The following SSH2 variants were observed in gnomAD, a reference collection of about 807,000 sequenced individuals.
SSH2 encodes the protein protein phosphatase Slingshot homolog 2.
Under a neutral mutation model 135.2 loss-of-function variants are expected in SSH2, and 37 were observed. The ratio of observed to expected loss-of-function variants is 0.27; its 90% CI spans 0.21 to 0.36. SSH2 has a LOEUF of 0.36. SSH2 is among the 10% of genes least tolerant of loss of function. The pLI is 1.00. For synonymous variants in SSH2, 628 were observed against 646.2 expected, an observed-to-expected ratio of 0.97 and a Z score of 0.43; for missense variants, 1,408 against 1,765.3, an observed-to-expected ratio of 0.80 and a Z score of 3.63.
At position 29,723,832 on chromosome 17, in the gene SSH2, A is replaced by C. The variant is rs2039899197; in HGVS notation, c.189-20770T>G. On this transcript the variant is annotated intron_variant, in intron 3 of 15. Transcript: ENST00000540801. ...TTTAATCAGGCCTCATGCTAGGGGG[A>C]ACTTCTTCCACTTGAAAAATTTACT... 2.0e-5 allele frequency among the ~76,000 whole-genome samples: 3 copies of C among 152,042 alleles called. No homozygotes were observed. In the South Asian group the frequency reaches 6.2e-4, roughly 32 times the overall value.
intron 5 of SSH2, among the ~76,000 whole-genome samples, chr17:29,691,562 C>T (rs1405783014): frequency 1.3e-5 from 2 of 151,632 alleles, no homozygotes; most frequent in Non-Finnish European, 2.9e-5. Context: ...ACGATCTCGG[C>T]TCACTGAAAG....
chr17:29,661,025 C>A (rs2037010088), intron 11 of SSH2, among the ~76,000 whole-genome samples: 1 of 143,384 alleles, frequency 7.0e-6, no homozygotes, highest in Admixed American at 7.2e-5. Flanking sequence ...AGCACCATTG[C>A]ACTCCAGCCT....
At chr17:29,716,466 CAAT>C in intron 3 of SSH2, 1 of 693,594 alleles carries the variant, frequency 1.4e-6, no homozygotes, top group Middle Eastern at 2.7e-4. Context: ...TTGTGTACAA[CAAT>C]GCCAGCAGCA....
At chr17:29,700,628 T>C (rs904010657) in intron 4 of SSH2, among the ~76,000 whole-genome samples, 1 of 152,190 alleles carries the variant, frequency 6.6e-6, no homozygotes, top group African/African-American at 2.4e-5. Context: ...CACTGGCATT[T>C]TAATATGTGA....
At position 29,848,844 on chromosome 17, in the gene SSH2, C is replaced by T. The variant is rs1223665866; in HGVS notation, c.144+5G>A. 1.1e-5 allele frequency: 17 copies of T among 1,519,024 alleles called. No homozygotes were observed. The highest frequency in any genetic ancestry group is 4.8e-5 in the South Asian group (4 of 83,590). The allele number at this position is 1,519,024 out of a possible 1,614,324, so 94.1% of individuals were successfully genotyped here. On this transcript the variant is annotated splice_donor_5th_base_variant and intron_variant, in intron 2 of 15. Coordinates refer to ENST00000540801, the MANE Select transcript of SSH2 (RefSeq NM_001282129.2). ...AAGTCTGTATAAAAACATATACCTA[C>T]GTACATTGGAATCAGTAAAGATTTC...
rs181842122 is a variant in SSH2 at position 29,814,609 on chromosome 17, A to G, written c.145-20672T>C. Among the ~76,000 whole-genome samples, 39 of 152,210 alleles carry G rather than the reference A, an allele frequency of 2.6e-4. No homozygotes were observed. The East Asian group carries it at 6.0e-3, about 23-fold the overall frequency. The stretch of plus-strand genomic sequence containing the variant: ...AGAAATCAGATATCATCAAAGGTTT[A>G]TGCAGACTATTCATAATGGCAAACA... On this transcript the variant is annotated intron_variant, in intron 2 of 15. Coordinates refer to ENST00000540801, the MANE Select transcript of SSH2 (RefSeq NM_001282129.2).
At chr17:29,637,439 C>G (rs2035956255) in intron 14 of SSH2, among the ~76,000 whole-genome samples, 1 of 152,120 alleles carries the variant, frequency 6.6e-6, no homozygotes, top group African/African-American at 2.4e-5. Flanking sequence ...ACCAACAATT[C>G]TTCCTTAATA....
intron 3 of SSH2, among the ~76,000 whole-genome samples, chr17:29,708,168 C>T (rs1396975036): frequency 6.6e-6 from 1 of 152,096 alleles, no homozygotes; most frequent in East Asian, 1.9e-4. Context: ...ATCACATATA[C>T]TTTTGTGTAA....
Position 29,688,599 on chromosome 17 carries a change from G to A in SSH2, c.358-3915C>T, listed in dbSNP as rs145238851. Among the ~76,000 whole-genome samples the A allele has an allele frequency of 1.2e-3, 188 of 152,066 alleles. 1 individual carries two copies. Among genetic ancestry groups the A allele is most frequent in the Non-Finnish European group, 2.0e-3 (137 of 67,996 alleles). ...CCCACCTCAGCCTCCCAAAGAGCTG[G>A]GACCACAAGTGCCCGCCACCATGCT... On this transcript the variant is annotated intron_variant, in intron 5 of 15. Transcript: ENST00000540801.
At position 29,636,814 on chromosome 17, in the gene SSH2, A is replaced by G. The variant is rs2035934202; in HGVS notation, c.1428-12T>C. On this transcript the variant is annotated splice_polypyrimidine_tract_variant and intron_variant, in intron 14 of 15. Coordinates refer to ENST00000540801, the MANE Select transcript of SSH2 (RefSeq NM_001282129.2). The stretch of plus-strand genomic sequence containing the variant: ...TATGCCGCTGTTTGCTGTGGAGGAC[A>G]TACACAGGAAGTATCTTAATCTGGT... The G allele has an allele frequency of 6.5e-7, 1 of 1,548,636 alleles. No individual in the cohort carries two copies. Among genetic ancestry groups the G allele is most frequent in the South Asian group, 1.1e-5 (1 of 87,434 alleles).
intron 3 of SSH2, among the ~76,000 whole-genome samples, chr17:29,744,189 G>A (rs931786242): frequency 5.9e-5 from 9 of 152,106 alleles, no homozygotes; most frequent in African/African-American, 1.2e-4. Flanking sequence ...CAGCTGGCCC[G>A]CTGCCGGGGG....
chr17:29,796,597 C>T (rs2042160589), intron 2 of SSH2, among the ~76,000 whole-genome samples: 1 of 152,040 alleles, frequency 6.6e-6, no homozygotes, highest in Admixed American at 6.5e-5. Flanking sequence ...CCACCTCGGC[C>T]TCCCATGGTC....
chr17:29,688,373 T>C (rs2038318377), intron 5 of SSH2, among the ~76,000 whole-genome samples: 1 of 152,210 alleles, frequency 6.6e-6, no homozygotes, highest in Non-Finnish European at 1.5e-5. Context: ...TCTCCCTTGC[T>C]TACTCAAACT....
chr17:29,928,014 T>C (rs762300779), intron 1 of SSH2, among the ~76,000 whole-genome samples: 9 of 152,216 alleles, frequency 5.9e-5, no homozygotes, highest in Non-Finnish European at 1.2e-4. Flanking sequence ...ATACTAATCA[T>C]TCACTTCAAG....
At chr17:29,850,711 C>T (rs930454185) in intron 1 of SSH2, among the ~76,000 whole-genome samples, 1 of 152,162 alleles carries the variant, frequency 6.6e-6, no homozygotes, top group Non-Finnish European at 1.5e-5. Context: ...GTTGCCCGAG[C>T]GTGGTGGCTC....
chr17:29,701,010 G>A (rs772788367), intron 4 of SSH2, among the ~76,000 whole-genome samples: 31 of 149,886 alleles, frequency 2.1e-4, no homozygotes, highest in African/African-American at 7.1e-4. Context: ...TTACTGTGTC[G>A]CCCAGGCTGG....
At chr17:29,851,107 A>T (rs1258437154) in intron 1 of SSH2, among the ~76,000 whole-genome samples, 1 of 152,230 alleles carries the variant, frequency 6.6e-6, no homozygotes, top group Non-Finnish European at 1.5e-5. Context: ...CATCTAGCTT[A>T]AAAAATATAT....
chr17:29,709,244 G>C (rs972505076), intron 3 of SSH2, among the ~76,000 whole-genome samples: 10 of 152,040 alleles, frequency 6.6e-5, no homozygotes, highest in African/African-American at 2.4e-4. Context: ...TCAGAGCAAG[G>C]ATTCAAACCA....
intron 2 of SSH2, among the ~76,000 whole-genome samples, chr17:29,833,171 T>A (rs2042877893): frequency 6.6e-6 from 1 of 152,234 alleles, no homozygotes; most frequent in Non-Finnish European, 1.5e-5. Context: ...CTTTCCAATA[T>A]TGAAAGTGGA....
Sources: gnomAD v4.1 joint callset for allele counts (sites outside exome capture counted in the v4.1 genomes callset) on GRCh38, gnomAD v4.1.1 for gene constraint, MANE v1.5 for transcripts, NCBI Gene and HGNC (gene_info 2026-07-23, HGNC 2026-07-21) for gene names.